Variants in RAPGEF1 observed in about 807,000 individuals in gnomAD.
RAPGEF1 encodes Rap guanine nucleotide exchange factor 1, also known as CRK SH3-binding GNRP.
Under a neutral mutation model 143.3 loss-of-function variants are expected in RAPGEF1, and 33 were observed. The ratio of observed to expected loss-of-function variants is 0.23; its 90% confidence interval spans 0.17 to 0.31. The LOEUF (loss-of-function observed/expected upper bound fraction) is 0.31. RAPGEF1 is among the 10% of genes least tolerant of loss of function. RAPGEF1 has a pLI of 1.00. For synonymous variants in RAPGEF1, 629 were observed against 676.5 expected, an observed-to-expected ratio of 0.93 and a Z score of 1.09; for missense variants, 1,199 against 1,645.4, an observed-to-expected ratio of 0.73 and a Z score of 4.69.
At chr9:131,681,442 T>A (rs1017381754) in intron 1 of RAPGEF1, among the ~76,000 whole-genome samples, 4 of 152,218 alleles carry the variant, frequency 2.6e-5, no homozygotes, top group African/African-American at 9.7e-5. Context: ...TTGAGCCTTT[T>A]CATTTTAAAT....
At chr9:131,729,794 T>C (rs1836907254) in intron 1 of RAPGEF1, among the ~76,000 whole-genome samples, 1 of 152,146 alleles carries the variant, frequency 6.6e-6, no homozygotes, top group Admixed American at 6.5e-5. Flanking sequence ...CACACACACG[T>C]CTGAAGGTAA....
chr9:131,719,948 C>T (rs1836149178), intron 1 of RAPGEF1, among the ~76,000 whole-genome samples: 2 of 150,878 alleles, frequency 1.3e-5, no homozygotes, highest in East Asian at 1.9e-4. Context: ...TACAGTGGCA[C>T]GATCTCAGCT....
At chr9:131,729,481 T>C (rs896552321) in intron 1 of RAPGEF1, among the ~76,000 whole-genome samples, 5 of 152,240 alleles carry the variant, frequency 3.3e-5, no homozygotes, top group African/African-American at 1.2e-4. Context: ...ACTTCAATAA[T>C]GGAGAAACCA....
chr9:131,629,322 A>T, intron 6 of RAPGEF1, 68 bp from the exon 7 acceptor site: 2 of 1,488,214 alleles, frequency 1.3e-6, no homozygotes, highest in South Asian at 1.2e-5. Flanking sequence ...ACAGGCCCTG[A>T]GAGGGTGAGG....
At chr9:131,709,289 C>T (rs1033983110) in intron 1 of RAPGEF1, among the ~76,000 whole-genome samples, 8 of 152,158 alleles carry the variant, frequency 5.3e-5, no homozygotes, top group South Asian at 4.1e-4. Flanking sequence ...GAGGTTGCAG[C>T]GAGCTGAGAT....
rs988175453 is a variant in RAPGEF1 at position 131,607,763 on chromosome 9, G to T, written c.2062-2575C>A. ...TGCCTAGTTTAAGGAGTCATGTTCC[G>T]CGCTGACTCCTTCTGGAGTCTTGAA... On this transcript the variant is annotated intron_variant, in intron 12 of 26. Coordinates refer to ENST00000683357, the MANE Select transcript of RAPGEF1 (RefSeq NM_001377935.1). Among the ~76,000 whole-genome samples, 99 of 152,100 alleles carry T rather than the reference G, an allele frequency of 6.5e-4. 2 individuals are homozygous for T. Among genetic ancestry groups the T allele is most frequent in the Non-Finnish European group, 2.1e-4 (14 of 68,022 alleles).
intron 5 of RAPGEF1, among the ~76,000 whole-genome samples, chr9:131,635,274 G>A (rs948952037): frequency 1.3e-5 from 2 of 152,090 alleles, no homozygotes; most frequent in African/African-American, 4.8e-5. Context: ...AAACCTACTT[G>A]AAACTCAGGG....
chr9:131,671,334 C>T (rs568726049), intron 1 of RAPGEF1, among the ~76,000 whole-genome samples: 2 of 152,368 alleles, frequency 1.3e-5, no homozygotes, highest in Admixed American at 1.3e-4. Context: ...GAGGCACGGG[C>T]CACACGGTGG....
At chr9:131,634,846 TG>T (rs1258686861) in intron 5 of RAPGEF1, among the ~76,000 whole-genome samples, 1 of 149,762 alleles carries the variant, frequency 6.7e-6, no homozygotes. Context: ...TGGGAAGAGG[TG>T]GGGTACCGAT....
chr9:131,640,018 A>G (rs1967416118), intron 4 of RAPGEF1, among the ~76,000 whole-genome samples: 1 of 152,220 alleles, frequency 6.6e-6, no homozygotes, highest in Non-Finnish European at 1.5e-5. Context: ...TCCATTAGAA[A>G]CAAACAAACA....
chr9:131,623,547 C>T lies in RAPGEF1; in HGVS notation c.1703-1549G>A, dbSNP rs150564978. ...AGACACCTGCTAGCCAAGCACAGAA[C>T]AGCAGTGATGCTCCCAGCCTTCTAG... is the stretch of plus-strand genomic sequence containing the variant. On this transcript the variant is annotated intron_variant, in intron 10 of 26. Coordinates refer to ENST00000683357, the MANE Select transcript of RAPGEF1 (RefSeq NM_001377935.1). 3.2e-3 allele frequency among the ~76,000 whole-genome samples: 495 copies of T among 152,370 alleles called. 1 individual carries two copies. Among genetic ancestry groups the T allele is most frequent in the Non-Finnish European group, 4.9e-3 (332 of 68,040 alleles).
At chr9:131,696,840 A>G (rs547436260) in intron 1 of RAPGEF1, among the ~76,000 whole-genome samples, 7 of 152,380 alleles carry the variant, frequency 4.6e-5, no homozygotes, top group Admixed American at 1.3e-4. Flanking sequence ...ACGATTTACA[A>G]TATAAACACA....
At position 131,604,966 on chromosome 9, in the gene RAPGEF1, C is replaced by T. The variant is rs1224447117; in HGVS notation, c.2284G>A (p.Val762Ile). Reference sequence around the variant, plus strand: ...AAAGAGGTTTCGGAAGGAAGGCAGACAGTATTCCCATGAAAGCTGCTCTCC... The same window carrying T: ...AAAGAGGTTTCGGAAGGAAGGCAGATAGTATTCCCATGAAAGCTGCTCTCC... ...SQESSFHGNT[V>I]CLPSETSFTD... Residue 762 changes from valine to isoleucine, a missense_variant, in exon 13 of 27, where the codon GTC (valine) becomes ATC (isoleucine). Val to Ile is a conservative substitution (Grantham distance 29). This residue lies in a region of RAPGEF1 where 293 missense variants were observed against 356.2 expected (regional missense o/e 0.82). Coordinates refer to ENST00000683357, the MANE Select transcript of RAPGEF1 (RefSeq NM_001377935.1). 1 of 1,318,502 alleles carries T rather than the reference C, an allele frequency of 7.6e-7. No homozygotes were observed. The highest frequency in any genetic ancestry group is 1.0e-6 in the Non-Finnish European group (1 of 997,236). The allele number at this position is 1,318,502 out of a possible 1,614,324, so 81.7% of individuals were successfully genotyped here.
intron 12 of RAPGEF1, among the ~76,000 whole-genome samples, chr9:131,617,767 A>G (rs75365986): frequency 0.013 from 2,040 of 152,326 alleles, 22 homozygotes; most frequent in Middle Eastern, 0.027. Flanking sequence ...CCAGTCCCAA[A>G]GGAAAGACGC....
intron 10 of RAPGEF1, among the ~76,000 whole-genome samples, chr9:131,624,132 G>C (rs766987572): frequency 2.6e-5 from 4 of 152,020 alleles, no homozygotes; most frequent in Non-Finnish European, 5.9e-5. Context: ...TAACAGGCTT[G>C]TACAACTCAG....
chr9:131,687,621 A>G (rs979643925), intron 1 of RAPGEF1, among the ~76,000 whole-genome samples: 1 of 152,206 alleles, frequency 6.6e-6, no homozygotes, highest in African/African-American at 2.4e-5. Context: ...GAAGAAGCAA[A>G]GGAAACGCAT....
intron 1 of RAPGEF1, among the ~76,000 whole-genome samples, chr9:131,717,369 T>C (rs2131256078): frequency 6.6e-6 from 1 of 152,284 alleles, no homozygotes; most frequent in African/African-American, 2.4e-5. Context: ...GTACTCACTA[T>C]CCACTGAACA....
At chr9:131,734,418 G>C (rs750298962) in intron 1 of RAPGEF1, among the ~76,000 whole-genome samples, 1 of 152,194 alleles carries the variant, frequency 6.6e-6, no homozygotes, top group Non-Finnish European at 1.5e-5. Context: ...GTTCAAGATC[G>C]TTCTGATTCT....
intron 1 of RAPGEF1, among the ~76,000 whole-genome samples, chr9:131,709,262 C>A (rs1042649731): frequency 4.6e-5 from 7 of 152,110 alleles, no homozygotes; most frequent in African/African-American, 1.7e-4. Context: ...CAGAGAATTG[C>A]TTGAACCTGG....
Sources: allele counts gnomAD v4.1 joint callset (sites outside exome capture counted in the v4.1 genomes callset), GRCh38; gene constraint gnomAD v4.1.1; regional missense constraint gnomAD v4.1.1; transcripts MANE v1.5; gene names NCBI Gene and HGNC (gene_info 2026-07-23, HGNC 2026-07-21).